RUNX2: variants seen among roughly 807,000 people sequenced by gnomAD.
RUNX2 encodes the protein runt-related transcription factor 2.
In RUNX2, 10 loss-of-function variants were observed where a neutral mutation model predicts 51.7. The observed-to-expected ratio is 0.19, with a 90% confidence interval of 0.12 to 0.33. The LOEUF (loss-of-function observed/expected upper bound fraction) is 0.33, where lower values mean the gene tolerates loss of function less well. RUNX2 is among the 10% of genes least tolerant of loss of function. RUNX2 has a pLI of 1.00. For missense variants in RUNX2, 562 were observed against 691.3 expected, an observed-to-expected ratio of 0.81 and a Z score of 2.10; for synonymous variants, 276 against 273.6, an observed-to-expected ratio of 1.01 and a Z score of -0.09.
chr6:45,354,146 A>G (rs1306782794), intron 2 of RUNX2, among the ~76,000 whole-genome samples: 5 of 152,174 alleles, frequency 3.3e-5, no homozygotes, highest in Non-Finnish European at 7.4e-5. Flanking sequence ...AAAAGTCTTT[A>G]GACTCAAAAA....
At chr6:45,463,180 T>A (rs1380004406) in intron 5 of RUNX2, among the ~76,000 whole-genome samples, 1 of 152,196 alleles carries the variant, frequency 6.6e-6, no homozygotes, top group Non-Finnish European at 1.5e-5. Context: ...TTTGGTCTTG[T>A]AAGCACAGGA....
chr6:45,502,286 T>A (rs1184616868), intron 6 of RUNX2, among the ~76,000 whole-genome samples: 1 of 152,198 alleles, frequency 6.6e-6, no homozygotes, highest in Non-Finnish European at 1.5e-5. Context: ...TTTGTTCTGC[T>A]CTTTCTATGT....
At chr6:45,467,603 C>T (rs746495442) in intron 5 of RUNX2, among the ~76,000 whole-genome samples, 15 of 152,130 alleles carry the variant, frequency 9.9e-5, no homozygotes, top group East Asian at 1.9e-4. Context: ...TTAGAACCGC[C>T]ACCCCCACCG....
At chr6:45,501,571 TAA>T (rs1388550793) in intron 6 of RUNX2, among the ~76,000 whole-genome samples, 1 of 152,230 alleles carries the variant, frequency 6.6e-6, no homozygotes, top group Non-Finnish European at 1.5e-5. Flanking sequence ...TGCCACCATA[TAA>T]CTCTGTCTAA....
At chr6:45,423,108 C>T (rs1402162928) in intron 3 of RUNX2, 151 bp downstream of exon 3, 2 of 1,055,834 alleles carry the variant, frequency 1.9e-6, no homozygotes, top group Non-Finnish European at 2.7e-6. Flanking sequence ...GGGCCTCCCT[C>T]CGGATGCCCT....
intron 7 of RUNX2, among the ~76,000 whole-genome samples, chr6:45,523,182 C>T (rs1801561151): frequency 6.6e-6 from 1 of 152,096 alleles, no homozygotes; most frequent in African/African-American, 2.4e-5. Flanking sequence ...TATTTGATTA[C>T]TTCATTAAGC....
At chr6:45,369,790 A>G (rs1375255855) in intron 2 of RUNX2, among the ~76,000 whole-genome samples, 1 of 152,192 alleles carries the variant, frequency 6.6e-6, no homozygotes, top group Non-Finnish European at 1.5e-5. Context: ...GCACATAAAC[A>G]AATATAATTT....
At chr6:45,365,170 T>G in intron 2 of RUNX2, 1 of 1,276,218 alleles carries the variant, frequency 7.8e-7, no homozygotes, top group Non-Finnish European at 1.1e-6. Context: ...TTTAAAATAG[T>G]AATAGCAATA....
At position 45,371,360 on chromosome 6, in the gene RUNX2, A is replaced by G. The variant is rs114173323; in HGVS notation, c.58+42576A>G. On this transcript the variant is annotated intron_variant, in intron 2 of 8. Transcript: ENST00000647337. ...GCATGTAAAAAATAGAGGAATTTGG[A>G]GTTTATAAAGGGTACTTCACCAGTA... 7.6e-3 allele frequency among the ~76,000 whole-genome samples: 1,145 copies of G among 151,594 alleles called. 10 individuals are homozygous for G. The highest frequency in any genetic ancestry group is 0.014 in the Non-Finnish European group (916 of 67,844).
chr6:45,439,601 G>A (rs921051806), intron 5 of RUNX2, among the ~76,000 whole-genome samples: 1 of 152,168 alleles, frequency 6.6e-6, no homozygotes, highest in Non-Finnish European at 1.5e-5. Flanking sequence ...ATCTCTTAAA[G>A]ATATTTCCTG....
chr6:45,483,725 A>C (rs1800180254), intron 5 of RUNX2, among the ~76,000 whole-genome samples: 1 of 152,224 alleles, frequency 6.6e-6, no homozygotes, highest in Non-Finnish European at 1.5e-5. Flanking sequence ...GACAGGAAAC[A>C]CCAGAACAAT....
intron 6 of RUNX2, among the ~76,000 whole-genome samples, chr6:45,495,675 A>C (rs1321816461): frequency 6.6e-6 from 1 of 152,196 alleles, no homozygotes; most frequent in Non-Finnish European, 1.5e-5. Flanking sequence ...GATCATGGTT[A>C]TATAGTCCCC....
chr6:45,539,560 A>G (rs1802152081), intron 7 of RUNX2, among the ~76,000 whole-genome samples: 1 of 152,192 alleles, frequency 6.6e-6, no homozygotes, highest in Non-Finnish European at 1.5e-5. Flanking sequence ...ATAGTTGGTC[A>G]TTTTTTAGTG....
At chr6:45,494,770 T>C (rs1289780543) in intron 6 of RUNX2, among the ~76,000 whole-genome samples, 1 of 152,204 alleles carries the variant, frequency 6.6e-6, no homozygotes, top group Non-Finnish European at 1.5e-5. Context: ...TTGAATAGGT[T>C]CAATTTTTTA....
intron 2 of RUNX2, among the ~76,000 whole-genome samples, chr6:45,383,500 T>C (rs1797285365): frequency 6.6e-6 from 1 of 152,128 alleles, no homozygotes; most frequent in Non-Finnish European, 1.5e-5. Context: ...TCTATAATAA[T>C]TAAATTAATT....
chr6:45,536,203 C>G (rs1473180910), intron 7 of RUNX2, among the ~76,000 whole-genome samples: 1 of 152,056 alleles, frequency 6.6e-6, no homozygotes, highest in Admixed American at 6.5e-5. Flanking sequence ...TATGTATTTC[C>G]TCCTGGGGCA....
intron 7 of RUNX2, among the ~76,000 whole-genome samples, chr6:45,514,426 G>A (rs1478578667): frequency 1.3e-5 from 2 of 152,128 alleles, no homozygotes; most frequent in Admixed American, 1.3e-4. Flanking sequence ...TCTATCTTAG[G>A]CCACAGGTAG....
chr6:45,379,638 G>A (rs772207734), intron 2 of RUNX2, among the ~76,000 whole-genome samples: 1 of 151,950 alleles, frequency 6.6e-6, no homozygotes, highest in Non-Finnish European at 1.5e-5. Flanking sequence ...AGGCCGAGAC[G>A]GGCAGATCAC....
intron 6 of RUNX2, among the ~76,000 whole-genome samples, chr6:45,502,059 T>C (rs1194998437): frequency 6.6e-6 from 1 of 152,194 alleles, no homozygotes; most frequent in African/African-American, 2.4e-5. Context: ...TTAGTAGTGA[T>C]TGGAGTTATA....
Sources: gnomAD v4.1 joint callset for allele counts (sites outside exome capture counted in the v4.1 genomes callset) on GRCh38, gnomAD v4.1.1 for gene constraint, MANE v1.5 for transcripts, NCBI Gene and HGNC (gene_info 2026-07-23, HGNC 2026-07-21) for gene names.